The following DCAF6 variants were observed in gnomAD, a reference collection of about 807,000 sequenced individuals.
DCAF6 encodes DDB1 and CUL4 associated factor 6.
DCAF6 carries 54 observed loss-of-function variants against 125.1 expected under a neutral mutation model. The observed-to-expected ratio is 0.43, with a 90% CI of 0.35 to 0.54. The LOEUF is 0.54. DCAF6 is among the 20% of genes least tolerant of loss of function. The pLI is 0.01. For synonymous variants in DCAF6, 371 were observed against 390.4 expected (o/e 0.95, Z 0.58); for missense variants, 934 against 1,161.7 (o/e 0.80, Z 2.85).
the DCAF6 span, among the ~76,000 whole-genome samples, chr1:167,901,076 G>A: frequency 6.6e-6 from 1 of 152,136 alleles, no homozygotes; most frequent in Non-Finnish European, 1.5e-5. Context: ...TGTATCTCAG[G>A]ACTGTCATAT....
the DCAF6 span, among the ~76,000 whole-genome samples, chr1:167,894,710 T>TC: frequency 1.3e-5 from 2 of 152,170 alleles, no homozygotes; most frequent in Non-Finnish European, 2.9e-5. Context: ...TTTGCTGAGT[T>TC]CTGTGAGTCA....
At chr1:167,932,271 T>C (rs963898440), upstream of DCAF6, among the ~76,000 whole-genome samples, 1 of 152,120 alleles carries the variant, frequency 6.6e-6, no homozygotes, top group Non-Finnish European at 1.5e-5. Context: ...CATTTATATA[T>C]TTATAAATTA....
At chr1:168,071,135 T>C (rs1011346510) in intron 21 of DCAF6, among the ~76,000 whole-genome samples, 1 of 152,190 alleles carries the variant, frequency 6.6e-6, no homozygotes, top group Non-Finnish European at 1.5e-5. Context: ...CTTGTCCTCA[T>C]AGTCTGATTT....
intron 11 of DCAF6, chr1:168,019,834 C>T (rs1034129440): frequency 8.9e-5 from 15 of 168,596 alleles, no homozygotes; most frequent in African/African-American, 3.6e-4. Context: ...TGCAAGCAGG[C>T]TCTAAACAAC....
chr1:167,880,224 G>T, the DCAF6 span: 190 of 1,563,712 alleles, frequency 1.2e-4, 2 homozygotes, highest in East Asian at 3.5e-3. Context: ...TGTGGGGAAA[G>T]AAATAAAGAT....
At chr1:167,908,337 T>C in the DCAF6 span, among the ~76,000 whole-genome samples, 1 of 152,162 alleles carries the variant, frequency 6.6e-6, no homozygotes, top group Non-Finnish European at 1.5e-5. Flanking sequence ...CTCACTTATA[T>C]ATGGAATCTA....
chr1:167,937,334 A>G (rs1187268555), intron 1 of DCAF6: 1 of 336,582 alleles, frequency 3.0e-6, no homozygotes, highest in Non-Finnish European at 5.8e-6. Flanking sequence ...TGCCGCGTTT[A>G]GAGCAAAAGT....
rs538741377 is a variant in DCAF6 at position 168,050,983 on chromosome 1, G to A, written c.2300+50G>A. On this transcript the variant is annotated intron_variant, in intron 17 of 21. Coordinates refer to ENST00000367840, the MANE Select transcript of DCAF6 (RefSeq NM_001198956.2). ...TTTTTTTTTTATGATGGATTTGCCA[G>A]GTCTTCTTTTGCCACAGCTAACCAC... is the stretch of plus-strand genomic sequence containing the variant. 1.0e-3 allele frequency: 1,067 copies of A among 1,059,682 alleles called. 1 individual carries two copies. The highest frequency in any genetic ancestry group is 1.1e-3 in the Non-Finnish European group (856 of 775,876). The allele number at this position is 1,059,682 out of a possible 1,614,324, so 65.6% of individuals were successfully genotyped here.
intron 12 of DCAF6, among the ~76,000 whole-genome samples, chr1:168,026,188 A>C (rs1468461478): frequency 6.6e-6 from 1 of 152,102 alleles, no homozygotes; most frequent in African/African-American, 2.4e-5. Flanking sequence ...GTAATCATAC[A>C]TTTATTTAGG....
chr1:167,977,962 T>C (rs1571767108), intron 4 of DCAF6, among the ~76,000 whole-genome samples: 1 of 152,274 alleles, frequency 6.6e-6, no homozygotes, highest in East Asian at 1.9e-4. Flanking sequence ...TGTTTTTCTG[T>C]TTTTGAACGT....
chr1:168,051,041 C>T, intron 17 of DCAF6, 108 bp downstream of exon 17: 1 of 500,020 alleles, frequency 2.0e-6, no homozygotes, highest in East Asian at 3.1e-5. Flanking sequence ...TCCCTTTGGA[C>T]TTACTGAATT....
At chr1:167,890,869 G>A in the DCAF6 span, among the ~76,000 whole-genome samples, 15 of 152,170 alleles carry the variant, frequency 9.9e-5, no homozygotes, top group African/African-American at 3.6e-4. Flanking sequence ...GATGTATGGA[G>A]AAGTAACACA....
chr1:168,004,589 T>C lies in DCAF6; in HGVS notation c.1174T>C (p.Leu392=), dbSNP rs755188934. 6.2e-7 allele frequency: 1 copy of C among 1,612,062 alleles called. No homozygotes were observed. Among genetic ancestry groups the C allele is most frequent in the African/African-American group, 1.3e-5 (1 of 74,912 alleles). The change falls in exon 10 of 22, where the codon TTG becomes CTG. Residue 392 remains leucine (L), a synonymous_variant. Coordinates refer to ENST00000367840, the MANE Select transcript of DCAF6 (RefSeq NM_001198956.2). ...TCCTACGGTCCCATCAAGTCCTGAT[T>C]TGGAAGTGAGTGAAACTGCAATGGA... is the stretch of plus-strand genomic sequence containing the variant. ...TLPTVPSSPD[L]EVSETAMEVD... is the part of the protein sequence containing the mutation.
At chr1:167,878,560 G>T in the DCAF6 span, 3 of 1,614,052 alleles carry the variant, frequency 1.9e-6, no homozygotes, top group South Asian at 3.3e-5. Flanking sequence ...CCCATTGTAG[G>T]TGACAGAGTC....
intron 11 of DCAF6, among the ~76,000 whole-genome samples, chr1:168,020,855 T>A (rs1449413673): frequency 6.6e-6 from 1 of 152,070 alleles, no homozygotes; most frequent in Non-Finnish European, 1.5e-5. Flanking sequence ...AGGAAAATAA[T>A]CCTTCCCAAA....
At chr1:168,054,843 G>A (rs917545661) in intron 17 of DCAF6, among the ~76,000 whole-genome samples, 1 of 146,454 alleles carries the variant, frequency 6.8e-6, no homozygotes, top group African/African-American at 2.5e-5. Flanking sequence ...TTGAGACGGA[G>A]TCTCACTCTG....
the DCAF6 span, among the ~76,000 whole-genome samples, chr1:167,928,947 A>T: frequency 7.2e-5 from 11 of 152,268 alleles, no homozygotes; most frequent in Non-Finnish European, 1.6e-4. Context: ...CATACTATAT[A>T]TTCTTTTAGA....
chr1:167,935,899 C>T, upstream of DCAF6: 1 of 1,348,140 alleles, frequency 7.4e-7, no homozygotes, highest in Non-Finnish European at 1.0e-6. Context: ...TCGTCCCTGG[C>T]TGACAACGAA....
intron 4 of DCAF6, among the ~76,000 whole-genome samples, chr1:167,985,014 T>C (rs1448204320): frequency 4.6e-5 from 7 of 152,152 alleles, no homozygotes; most frequent in Admixed American, 4.6e-4. Flanking sequence ...AGAGCTTGTG[T>C]GGAAAAACTC....
Sources: allele counts gnomAD v4.1 joint callset (sites outside exome capture counted in the v4.1 genomes callset), GRCh38; gene constraint gnomAD v4.1.1; transcripts MANE v1.5; gene names NCBI Gene and HGNC (gene_info 2026-07-23, HGNC 2026-07-21).